The following DNAH6 variants were observed in gnomAD, a reference collection of about 807,000 sequenced individuals.
The protein encoded by DNAH6 is axonemal beta dynein heavy chain 6.
DNAH6 carries 340 observed loss-of-function variants against 491.4 expected under a neutral mutation model. The ratio of observed to expected loss-of-function variants is 0.69; its 90% confidence interval spans 0.63 to 0.76. The LOEUF is 0.76. Ranked by LOEUF, DNAH6 falls within the 30% of genes least tolerant of loss-of-function variation. The probability of loss-of-function intolerance (pLI) is 0.00; values close to 1 mark genes in which losing one functional copy is unlikely to be tolerated. For synonymous variants in DNAH6, 1,603 were observed against 1,686.1 expected, an observed-to-expected ratio of 0.95 and a Z score of 1.21; for missense variants, 4,443 against 4,972.2, an observed-to-expected ratio of 0.89 and a Z score of 3.20.
intron 12 of DNAH6, among the ~76,000 whole-genome samples, chr2:84,575,322 A>G (rs900081275): frequency 6.6e-6 from 1 of 152,142 alleles, no homozygotes; most frequent in African/African-American, 2.4e-5. Flanking sequence ...GCTTCCTGAC[A>G]AGCAGCCACA....
At chr2:84,687,604 T>C (rs923571417) in intron 44 of DNAH6, among the ~76,000 whole-genome samples, 6 of 152,212 alleles carry the variant, frequency 3.9e-5, no homozygotes, top group Non-Finnish European at 7.3e-5. Context: ...GTGTTTCTAG[T>C]TGATTGTATT....
the DNAH6 span, among the ~76,000 whole-genome samples, chr2:84,464,260 C>T: frequency 6.6e-6 from 1 of 152,190 alleles, no homozygotes; most frequent in African/African-American, 2.4e-5. Flanking sequence ...ACCTTTCAGC[C>T]TCCGTGGGCT....
the DNAH6 span, among the ~76,000 whole-genome samples, chr2:84,467,883 A>G: frequency 3.9e-5 from 6 of 152,336 alleles, no homozygotes; most frequent in Admixed American, 3.9e-4. Flanking sequence ...AACAATTTTT[A>G]AAAGTTAAAG....
At position 84,725,865 on chromosome 2, in the gene DNAH6, CT is replaced by C. The variant is rs1336985821; in HGVS notation, c.9973-1803del. On this transcript the variant is annotated intron_variant, in intron 60 of 76. Transcript: ENST00000389394. ...TCACATATTCACTGGGCTTTAACCT[CT>C]ATGGTTCTTGTCAGGTTGTTAAAGA... Among the ~76,000 whole-genome samples, 4 of 152,196 alleles carry C rather than the reference CT, an allele frequency of 2.6e-5. No homozygotes were observed. In the East Asian group the frequency reaches 7.7e-4, roughly 29 times the overall value.
chr2:84,595,557 A>T, intron 17 of DNAH6, 89 bp from the exon 18 acceptor site: 1 of 1,177,002 alleles, frequency 8.5e-7, no homozygotes, highest in Non-Finnish European at 1.2e-6. Flanking sequence ...GTAGATTTGG[A>T]TTAACTTTTA....
intron 37 of DNAH6, among the ~76,000 whole-genome samples, chr2:84,665,538 A>G (rs1692033201): frequency 6.6e-6 from 1 of 152,202 alleles, no homozygotes; most frequent in Non-Finnish European, 1.5e-5. Context: ...CACCCTCCCA[A>G]GACTAAACCA....
rs974443626 is a variant in DNAH6 at position 84,529,007 on chromosome 2, C to G, written c.503C>G (p.Pro168Arg). ...TTTGGGACTAGATCTTCAGCTTACC[C>G]TAAGTACACTTTTCACGACCGAGAA... ...GLFGTRSSAY[P>R]KYTFHDREEV... The change falls in exon 4 of 77, where the codon CCT (proline) becomes CGT (arginine). Residue 168 changes from proline to arginine, a missense_variant. Pro to Arg is a moderately radical substitution (Grantham distance 103). Transcript: ENST00000389394. The G allele has an allele frequency of 1.9e-6, 3 of 1,551,154 alleles. No individual in the cohort carries two copies. The highest frequency in any genetic ancestry group is 2.7e-5 in the African/African-American group (2 of 72,940).
At chr2:84,570,841 A>C (rs1043994133) in intron 11 of DNAH6, among the ~76,000 whole-genome samples, 6 of 151,942 alleles carry the variant, frequency 3.9e-5, no homozygotes, top group Non-Finnish European at 5.9e-5. Flanking sequence ...GCTGCTGCTC[A>C]CTCTTGGGTC....
the DNAH6 span, among the ~76,000 whole-genome samples, chr2:84,477,588 C>A: frequency 6.6e-6 from 1 of 152,142 alleles, no homozygotes; most frequent in South Asian, 2.1e-4. Flanking sequence ...TCTTCCCTAA[C>A]CCGAGGATCC....
chr2:84,721,396 G>A (rs1022917632), intron 59 of DNAH6, among the ~76,000 whole-genome samples: 3 of 152,126 alleles, frequency 2.0e-5, no homozygotes, highest in African/African-American at 7.2e-5. Context: ...CTGATTCCTG[G>A]AAACAGCTTC....
intron 64 of DNAH6, among the ~76,000 whole-genome samples, chr2:84,765,072 T>A (rs1187758373): frequency 2.0e-5 from 3 of 151,838 alleles, no homozygotes; most frequent in Non-Finnish European, 4.4e-5. Flanking sequence ...AGCAAAAAAA[T>A]TACATTTCAG....
At chr2:84,689,595 T>C (rs948870520) in intron 45 of DNAH6, among the ~76,000 whole-genome samples, 1 of 152,196 alleles carries the variant, frequency 6.6e-6, no homozygotes, top group Non-Finnish European at 1.5e-5. Context: ...AATGGCTTTT[T>C]TGACATAGTC....
chr2:84,487,230 C>T, the DNAH6 span, among the ~76,000 whole-genome samples: 3 of 152,204 alleles, frequency 2.0e-5, no homozygotes, highest in African/African-American at 4.8e-5. Flanking sequence ...TGCCAAGTGG[C>T]AACATTTATA....
rs1330974004 is a variant in DNAH6, at chr2:84,781,588, A to G, written c.10799A>G (p.Asn3600Ser). ...MKSGNWVFLQNCHLAVSWMLA... is the reference protein window; with the variant it reads ...MKSGNWVFLQSCHLAVSWMLA... ...TCAGGAAACTGGGTATTTTTGCAAA[A>G]TTGCCATCTTGCTGTTTCTTGGATG... The change falls in exon 65 of 77, where the codon AAT (asparagine) becomes AGT (serine). Residue 3600 changes from asparagine to serine, a missense_variant. Around this residue, in one of 3 missense-constraint regions of DNAH6, gnomAD observed 1,463 missense variants for 1,656.6 expected, o/e 0.88. Coordinates refer to ENST00000389394, the MANE Select transcript of DNAH6 (RefSeq NM_001370.2). 1 of 1,551,842 alleles carries G rather than the reference A, an allele frequency of 6.4e-7. No homozygotes were observed. Among genetic ancestry groups the G allele is most frequent in the Admixed American group, 2.0e-5 (1 of 51,004 alleles).
intron 10 of DNAH6, among the ~76,000 whole-genome samples, chr2:84,553,345 CTTTCTTTTCT>C (rs376241217): frequency 1.9e-4 from 19 of 102,030 alleles, no homozygotes; most frequent in Admixed American, 5.2e-4. Flanking sequence ...ATACCTTTTC[CTTTCTTTTCT>C]TTTCTTTTCT....
At chr2:84,816,711 G>T (rs183586721) in intron 76 of DNAH6, among the ~76,000 whole-genome samples, 1 of 152,130 alleles carries the variant, frequency 6.6e-6, no homozygotes, top group African/African-American at 2.4e-5. Context: ...TAACAAGAGC[G>T]AAAACTCCAT....
At chr2:84,723,538 T>C (rs1698366241) in intron 60 of DNAH6, among the ~76,000 whole-genome samples, 1 of 152,248 alleles carries the variant, frequency 6.6e-6, no homozygotes, top group African/African-American at 2.4e-5. Flanking sequence ...TGCAGTAATC[T>C]AGATTCCTTT....
chr2:84,762,639 A>G (rs975432408), intron 63 of DNAH6, 116 bp from the exon 64 acceptor site: 18 of 687,134 alleles, frequency 2.6e-5, no homozygotes, highest in African/African-American at 1.8e-5. Context: ...CCCAATCAAG[A>G]CAGAATAAGT....
intron 68 of DNAH6, among the ~76,000 whole-genome samples, chr2:84,795,878 T>C (rs1278483396): frequency 6.6e-6 from 1 of 152,220 alleles, no homozygotes; most frequent in Non-Finnish European, 1.5e-5. Context: ...AAGAAATGTA[T>C]AGAGGTTGAA....
Sources: allele counts gnomAD v4.1 joint callset (sites outside exome capture counted in the v4.1 genomes callset), GRCh38; gene constraint gnomAD v4.1.1; regional missense constraint gnomAD v4.1.1; transcripts MANE v1.5; gene names NCBI Gene and HGNC (gene_info 2026-07-23, HGNC 2026-07-21).